AUTS2: variants seen among roughly 807,000 people sequenced by gnomAD.
The protein encoded by AUTS2 is autism susceptibility gene 2 protein.
In AUTS2, 17 loss-of-function variants were observed where a neutral mutation model predicts 112.4. That is an observed-to-expected ratio of 0.15 (90% CI 0.10 to 0.23). AUTS2 has a LOEUF of 0.23. AUTS2 is among the 10% of genes least tolerant of loss of function. AUTS2 has a pLI of 1.00. For missense variants in AUTS2, 1,510 were observed against 1,701.6 expected (o/e 0.89, Z 1.98); for synonymous variants, 751 against 702.7 (o/e 1.07, Z -1.09).
chr7:70,602,520 G>A (rs923404497), intron 5 of AUTS2, among the ~76,000 whole-genome samples: 1 of 152,172 alleles, frequency 6.6e-6, no homozygotes, highest in African/African-American at 2.4e-5. Context: ...TTTATTTGGT[G>A]TTGCAGCTGT....
intron 6 of AUTS2, among the ~76,000 whole-genome samples, chr7:70,729,889 T>C (rs1787269385): frequency 6.8e-6 from 1 of 147,828 alleles, no homozygotes; most frequent in African/African-American, 2.5e-5. Context: ...TATGTATGTA[T>C]GTATGTATTT....
intron 1 of AUTS2, among the ~76,000 whole-genome samples, chr7:69,745,818 G>A (rs1374053097): frequency 6.6e-6 from 1 of 152,110 alleles, no homozygotes; most frequent in Non-Finnish European, 1.5e-5. Context: ...TTTAGTAGAT[G>A]TCTTGCCAAT....
At chr7:70,151,657 G>A (rs762002879) in intron 4 of AUTS2, among the ~76,000 whole-genome samples, 4 of 151,966 alleles carry the variant, frequency 2.6e-5, no homozygotes, top group Non-Finnish European at 5.9e-5. Context: ...TCACCATGTT[G>A]GCCCGGCTGG....
In AUTS2 at chr7:70,764,931, C is replaced by G. The variant is rs769270137; in HGVS notation, c.1394C>G (p.Ala465Gly). 1.9e-6 allele frequency: 3 copies of G among 1,612,330 alleles called. No individual in the cohort carries two copies. The highest frequency in any genetic ancestry group is 2.7e-5 in the African/African-American group (2 of 74,254). Residue 465 changes from alanine (A) to glycine (G), a missense_variant, in exon 8 of 19, where the codon GCT (alanine) becomes GGT (glycine). By Grantham distance (60) the Ala-to-Gly change is moderately conservative. Coordinates refer to ENST00000342771, the MANE Select transcript of AUTS2 (RefSeq NM_015570.4). ...CCCAATATGTTTGCCCCTCCCACTG[C>G]TCTGCCTCCTCCACCACCACTGACA... ...HHPNMFAPPT[A>G]LPPPPPLTSG...
chr7:69,776,806 C>T (rs1457223140), intron 1 of AUTS2, among the ~76,000 whole-genome samples: 1 of 152,092 alleles, frequency 6.6e-6, no homozygotes, highest in African/African-American at 2.4e-5. Flanking sequence ...TGGGAAACCT[C>T]TAAGAATATT....
intron 4 of AUTS2, among the ~76,000 whole-genome samples, chr7:70,276,862 A>G (rs1163648191): frequency 6.6e-6 from 1 of 152,204 alleles, no homozygotes; most frequent in East Asian, 1.9e-4. Context: ...CTTGAGTTTC[A>G]AAGAAAAGAG....
At chr7:70,269,516 G>A (rs953202214) in intron 4 of AUTS2, among the ~76,000 whole-genome samples, 2 of 152,146 alleles carry the variant, frequency 1.3e-5, no homozygotes, top group African/African-American at 2.4e-5. Context: ...TAAAAGTCTG[G>A]TGCTGACACC....
intron 2 of AUTS2, among the ~76,000 whole-genome samples, chr7:70,071,666 G>C (rs1482006257): frequency 1.3e-5 from 2 of 152,118 alleles, no homozygotes; most frequent in African/African-American, 4.8e-5. Flanking sequence ...AGTCATTTTC[G>C]ATTTATTTGA....
rs189176782 is a variant in AUTS2 at position 70,742,201 on chromosome 7, T to G, written c.743-20669T>G. ...ACCCACTCACTCTCTAAAACTCTTG[T>G]TCTTAAAGATTGGCTTATTTTTGCT... On this transcript the variant is annotated intron_variant, in intron 6 of 18. Transcript: ENST00000342771. Among the ~76,000 whole-genome samples, 76 of 152,320 alleles carry G rather than the reference T, an allele frequency of 5.0e-4. 1 individual carries two copies. The South Asian group carries it at 7.7e-3, about 15-fold the overall frequency.
At chr7:70,059,339 C>T (rs1450259863) in intron 2 of AUTS2, among the ~76,000 whole-genome samples, 2 of 152,106 alleles carry the variant, frequency 1.3e-5, no homozygotes, top group East Asian at 3.9e-4. Context: ...GGCTTAATAG[C>T]TCATTTCTTC....
intron 6 of AUTS2, among the ~76,000 whole-genome samples, chr7:70,738,845 A>G (rs1787926655): frequency 6.6e-6 from 1 of 152,150 alleles, no homozygotes; most frequent in Non-Finnish European, 1.5e-5. Context: ...ATACAAGGAA[A>G]TTAACCTGGT....
At chr7:70,765,995 A>G (rs1789914273) in intron 8 of AUTS2, 119 bp from the exon 9 acceptor site, 4 of 1,477,132 alleles carry the variant, frequency 2.7e-6, no homozygotes, top group African/African-American at 1.4e-5. Context: ...CTCAGGGCCC[A>G]GCCACACCCT....
intron 1 of AUTS2, among the ~76,000 whole-genome samples, chr7:69,858,292 C>T (rs1259993771): frequency 6.6e-6 from 1 of 152,124 alleles, no homozygotes; most frequent in Non-Finnish European, 1.5e-5. Flanking sequence ...GATGTCAGTG[C>T]CTTGGGGTTA....
At chr7:70,511,136 AC>A (rs1359077652) in intron 5 of AUTS2, among the ~76,000 whole-genome samples, 20 of 152,198 alleles carry the variant, frequency 1.3e-4, no homozygotes, top group Admixed American at 2.6e-4. Flanking sequence ...GGCGTGAACC[AC>A]TGCGCTCGGC....
At chr7:70,187,387 T>TTAGGTA in intron 4 of AUTS2, among the ~76,000 whole-genome samples, 1 of 152,356 alleles carries the variant, frequency 6.6e-6, no homozygotes, top group South Asian at 2.1e-4. Context: ...GTAAGATATA[T>TTAGGTA]ACCTATTAAT....
At chr7:70,031,104 C>T (rs537077631) in intron 2 of AUTS2, among the ~76,000 whole-genome samples, 116 of 152,230 alleles carry the variant, frequency 7.6e-4, no homozygotes, top group Non-Finnish European at 1.5e-3. Context: ...TGTTTCCTGT[C>T]GCTCTCCAAT....
At chr7:70,465,697 G>T (rs1302028405) in intron 5 of AUTS2, among the ~76,000 whole-genome samples, 1 of 152,160 alleles carries the variant, frequency 6.6e-6, no homozygotes, top group South Asian at 2.1e-4. Context: ...ACTCGTGATT[G>T]GGTGGGTGTC....
chr7:70,028,159 T>C (rs1800611083), intron 2 of AUTS2, among the ~76,000 whole-genome samples: 1 of 151,738 alleles, frequency 6.6e-6, no homozygotes, highest in Non-Finnish European at 1.5e-5. Context: ...CCAACACAGC[T>C]GTATTCATCT....
In AUTS2 at chr7:70,407,947, G is replaced by A. The variant is rs375298249; in HGVS notation, c.661-27805G>A. Among the ~76,000 whole-genome samples the A allele has an allele frequency of 2.0e-4, 31 of 152,008 alleles. No homozygotes were observed. The East Asian group carries it at 4.5e-3, about 22-fold the overall frequency. The stretch of plus-strand genomic sequence containing the variant: ...CAGGCGCCTGTAGTCCCAGCTACTC[G>A]GGAGGCTGAGATAGGAGAATGGCGT... On this transcript the variant is annotated intron_variant, in intron 4 of 18. Coordinates refer to ENST00000342771, the MANE Select transcript of AUTS2 (RefSeq NM_015570.4).
Sources: allele counts gnomAD v4.1 joint callset (sites outside exome capture counted in the v4.1 genomes callset), GRCh38; gene constraint gnomAD v4.1.1; transcripts MANE v1.5; gene names NCBI Gene and HGNC (gene_info 2026-07-23, HGNC 2026-07-21).